TELO2: variants seen among roughly 807,000 people sequenced by gnomAD.
TELO2 encodes the protein telomere maintenance 2, also known as telomere length regulation protein TEL2 homolog.
Under a neutral mutation model 91.0 loss-of-function variants are expected in TELO2, and 71 were observed. The ratio of observed to expected loss-of-function variants is 0.78; its 90% CI spans 0.64 to 0.95. TELO2 has a LOEUF of 0.95. Ranked by LOEUF, TELO2 falls within the 40% of genes least tolerant of loss-of-function variation. The probability of loss-of-function intolerance (pLI) is 0.00; values close to 1 mark genes in which losing one functional copy is unlikely to be tolerated. For missense variants in TELO2, 1,183 were observed against 1,141.3 expected, an observed-to-expected ratio of 1.04 and a Z score of -0.53; for synonymous variants, 584 against 518.9, an observed-to-expected ratio of 1.13 and a Z score of -1.71.
rs760147994 is a variant in TELO2, at chr16:1,502,987, C to T, written c.1827C>T (p.Arg609=). The T allele has an allele frequency of 1.2e-6, 2 of 1,610,950 alleles. No individual in the cohort carries two copies. The highest frequency in any genetic ancestry group is 1.1e-5 in the South Asian group (1 of 91,086). ...FYALNYSLRQ[R]MDILDVLTLA... The stretch of plus-strand genomic sequence containing the variant: ...CCCTCAACTACAGCCTCCGGCAGCG[C>T]ATGGACATCCTGGATGTAAGTGCCT... The change falls in exon 15 of 21, where the codon CGC becomes CGT. Residue 609 remains arginine, a synonymous_variant. Transcript: ENST00000262319.
At position 1,497,304 on chromosome 16, in the gene TELO2, C is replaced by T. The variant is rs1223819924; in HGVS notation, c.683-57C>T. On this transcript the variant is annotated intron_variant, in intron 4 of 20. Coordinates refer to ENST00000262319, the MANE Select transcript of TELO2 (RefSeq NM_016111.4). This position sits in a 1 kb window ranked among gnomAD's most constrained non-coding sequence, Gnocchi z 4.0. Reference sequence around the variant, plus strand: ...ACTGTCCTTGCTGGACCCACACAGCCCCAGACACCAGGTGGGTGCAGCTCC... The same window carrying T: ...ACTGTCCTTGCTGGACCCACACAGCTCCAGACACCAGGTGGGTGCAGCTCC... 19 of 1,504,060 alleles carry T rather than the reference C, an allele frequency of 1.3e-5. No homozygotes were observed. The highest frequency in any genetic ancestry group is 1.6e-5 in the Non-Finnish European group (18 of 1,120,140). 93.2% of individuals were successfully genotyped at this position (1,504,060 alleles called of 1,614,324 possible).
chr16:1,503,899 A>G (rs2039792844), intron 15 of TELO2, among the ~76,000 whole-genome samples: 1 of 152,076 alleles, frequency 6.6e-6, no homozygotes, highest in Admixed American at 6.5e-5. Flanking sequence ...TGGGAGACCA[A>G]AGTGGGAGGA....
At chr16:1,496,294 G>C (rs188854189) in intron 3 of TELO2, among the ~76,000 whole-genome samples, 3 of 152,226 alleles carry the variant, frequency 2.0e-5, no homozygotes, top group Non-Finnish European at 2.9e-5. Flanking sequence ...CCCCCTCAGA[G>C]CCCAGGAGGA....
In TELO2 at chr16:1,506,201, C is replaced by G. The variant is rs536453807; in HGVS notation, c.2035-37C>G. On this transcript the variant is annotated intron_variant, in intron 16 of 20. Coordinates refer to ENST00000262319, the MANE Select transcript of TELO2 (RefSeq NM_016111.4). ...AGGGGTGCCGTGCCCGCTGCCCAAGCCTGCACCTCCGTGATCGCTGTAGTT... is the reference window on the plus strand; with the variant it reads ...AGGGGTGCCGTGCCCGCTGCCCAAGGCTGCACCTCCGTGATCGCTGTAGTT... 15 of 1,609,146 alleles carry G rather than the reference C, an allele frequency of 9.3e-6. No individual in the cohort carries two copies. In the African/African-American group the frequency reaches 1.3e-4, roughly 14 times the overall value.
chr16:1,501,694 C>G lies in TELO2; in HGVS notation c.1393C>G (p.Pro465Ala). The change falls in exon 11 of 21, where the codon CCT becomes GCT. Residue 465 changes from proline (P) to alanine (A), a missense_variant. Transcript: ENST00000262319. ...CCTCGTTCCAGCCACGGCAGAGCCC[C>G]CTGCAGAGACCCCCGCAGAGATCGT... ...TSLVPATAEP[P>A]AETPAEIVDG... The G allele has an allele frequency of 6.2e-7, 1 of 1,612,790 alleles. No homozygotes were observed.
At chr16:1,498,722 G>GTGATATT (rs56079233) in intron 5 of TELO2, among the ~76,000 whole-genome samples, 93,230 of 151,374 alleles carry the variant, frequency 0.62, 31,959 homozygotes, top group Non-Finnish European at 0.78. Flanking sequence ...TTATTTCTTT[G>GTGATATT]TGTGGAATTT....
At chr16:1,504,917 A>G (rs1431535494) in intron 15 of TELO2, among the ~76,000 whole-genome samples, 1 of 151,674 alleles carries the variant, frequency 6.6e-6, no homozygotes, top group Admixed American at 6.6e-5. Context: ...CCAGAGGGAA[A>G]CCCCATCCCT....
At chr16:1,499,942 G>A (rs1424872282) in intron 6 of TELO2, among the ~76,000 whole-genome samples, 154 bp from the exon 7 acceptor site, 1 of 152,370 alleles carries the variant, frequency 6.6e-6, no homozygotes, top group Non-Finnish European at 1.5e-5. Context: ...GAGGGGAGGG[G>A]TCCCGCATTC....
chr16:1,507,299 T>A lies in TELO2; in HGVS notation c.2227-7T>A. ...ACCCCACTGACTGTCCCTCTGCTGG[T>A]GTCCAGGTGGCTGTGGCCATGGGCA... On this transcript the variant is annotated splice_polypyrimidine_tract_variant and splice_region_variant and intron_variant, in intron 18 of 20. Coordinates refer to ENST00000262319, the MANE Select transcript of TELO2 (RefSeq NM_016111.4). 3.7e-6 allele frequency: 6 copies of A among 1,608,152 alleles called. No homozygotes were observed. Among genetic ancestry groups the A allele is most frequent in the Non-Finnish European group, 5.1e-6 (6 of 1,179,840 alleles).
At position 1,508,719 on chromosome 16, in the gene TELO2, G is replaced by C. The variant is rs573535860; in HGVS notation, c.2407+1003G>C. Among the ~76,000 whole-genome samples the C allele has an allele frequency of 2.0e-5, 3 of 152,346 alleles. No individual in the cohort carries two copies. In the South Asian group the frequency reaches 6.2e-4, roughly 32 times the overall value. The stretch of plus-strand genomic sequence containing the variant: ...GGCGCAGTGCCAGCCTGCTGGGTGT[G>C]AACGGGTGTTTCCCATGGGGAGTGG... On this transcript the variant is annotated intron_variant, in intron 20 of 20. Transcript: ENST00000262319.
At chr16:1,503,153 G>A in intron 15 of TELO2, 151 bp downstream of exon 15, 1 of 817,416 alleles carries the variant, frequency 1.2e-6, no homozygotes, top group Non-Finnish European at 2.0e-6. Context: ...GCAGGACTCA[G>A]CAGTGGGGGA....
At chr16:1,507,805 GC>G in intron 20 of TELO2, 89 bp downstream of exon 20, 1 of 1,103,958 alleles carries the variant, frequency 9.1e-7, no homozygotes, top group African/African-American at 1.7e-5. Flanking sequence ...AGATGTGTCG[GC>G]CCGGGGTGTG....
Position 1,506,619 on chromosome 16 carries a change from GCCT to G in TELO2, c.2126+297_2126+299del, listed in dbSNP as rs1026412303. 3 of 1,383,770 alleles carry G rather than the reference GCCT, an allele frequency of 2.2e-6. No homozygotes were observed. In the African/African-American group the frequency reaches 4.4e-5, roughly 20 times the overall value. The allele number at this position is 1,383,770 out of a possible 1,614,324, so 85.7% of individuals were successfully genotyped here. A position where few individuals can be genotyped will look rare whatever the true frequency, so the allele number is the denominator to read the frequency against. ...CGCCATCACCTGCTGGGCCCTGCTCGCCTCCTCCTGCCTCAGCCGGCGCTGCAC... is the reference window on the plus strand; with the variant it reads ...CGCCATCACCTGCTGGGCCCTGCTCGCCTCCTGCCTCAGCCGGCGCTGCAC... On this transcript the variant is annotated intron_variant, in intron 17 of 20. Coordinates refer to ENST00000262319, the MANE Select transcript of TELO2 (RefSeq NM_016111.4).
At chr16:1,498,342 GGT>G (rs1457544320) in intron 5 of TELO2, among the ~76,000 whole-genome samples, 1 of 152,056 alleles carries the variant, frequency 6.6e-6, no homozygotes, top group Non-Finnish European at 1.5e-5. Context: ...TCTGGGTGAG[GGT>G]GTGTGTGTGT....
Position 1,507,302 on chromosome 16 carries a change from C to A in TELO2, c.2227-4C>A. The A allele has an allele frequency of 6.2e-7, 1 of 1,608,482 alleles. No homozygotes were observed. The highest frequency in any genetic ancestry group is 8.5e-7 in the Non-Finnish European group (1 of 1,179,872). Reference sequence around the variant, plus strand: ...CCACTGACTGTCCCTCTGCTGGTGTCCAGGTGGCTGTGGCCATGGGCAAGG... The same window carrying A: ...CCACTGACTGTCCCTCTGCTGGTGTACAGGTGGCTGTGGCCATGGGCAAGG... On this transcript the variant is annotated splice_polypyrimidine_tract_variant and splice_region_variant and intron_variant, in intron 18 of 20. Coordinates refer to ENST00000262319, the MANE Select transcript of TELO2 (RefSeq NM_016111.4).
chr16:1,495,153 G>A (rs926714350), intron 2 of TELO2, among the ~76,000 whole-genome samples, 193 bp from the exon 3 acceptor site: 1 of 152,228 alleles, frequency 6.6e-6, no homozygotes, highest in Non-Finnish European at 1.5e-5. Flanking sequence ...AGGGCCCCGA[G>A]AGCTCTCACA....
In TELO2 at chr16:1,502,721, A is replaced by G; in HGVS notation, c.1730A>G (p.Gln577Arg). ...GTGGTGGGATTTGCAGGGCTGCGCC[A>G]GAGAGCCCTGGTGGCCGTCACGGTC... ...TCVVGFAGLRQRALVAVTVTD... is the reference protein window; with the variant it reads ...TCVVGFAGLRRRALVAVTVTD... The change falls in exon 14 of 21, where the codon CAG becomes CGG. Residue 577 changes from glutamine to arginine, a missense_variant. Gln to Arg is a conservative substitution (Grantham distance 43). Coordinates refer to ENST00000262319, the MANE Select transcript of TELO2 (RefSeq NM_016111.4). The G allele has an allele frequency of 6.2e-7, 1 of 1,612,674 alleles. No homozygotes were observed. Among genetic ancestry groups the G allele is most frequent in the Non-Finnish European group, 8.5e-7 (1 of 1,179,864 alleles).
Position 1,505,343 on chromosome 16 carries a change from G to C in TELO2, c.1843-67G>C, listed in dbSNP as rs1251858492. ...CGGGCCCGTTTCTGGGGCTTTGGCT[G>C]ACTTGACTCTTGGGAAATGTTCTTC... On this transcript the variant is annotated intron_variant, in intron 15 of 20. Coordinates refer to ENST00000262319, the MANE Select transcript of TELO2 (RefSeq NM_016111.4). This position sits in a 1 kb window ranked among gnomAD's most constrained non-coding sequence, Gnocchi z 4.3. The C allele has an allele frequency of 3.2e-6, 5 of 1,543,226 alleles. No individual in the cohort carries two copies. Among genetic ancestry groups the C allele is most frequent in the Non-Finnish European group, 4.4e-6 (5 of 1,141,240 alleles).
At position 1,497,741 on chromosome 16, in the gene TELO2, C is replaced by G. The variant is rs2039545966; in HGVS notation, c.830+233C>G. 6.6e-6 allele frequency among the ~76,000 whole-genome samples: 1 copy of G among 152,180 alleles called. No homozygotes were observed. Among genetic ancestry groups the G allele is most frequent in the South Asian group, 2.1e-4 (1 of 4,826 alleles). On this transcript the variant is annotated intron_variant, in intron 5 of 20. Transcript: ENST00000262319. The surrounding 1 kb of genome is among the most constrained non-coding windows in gnomAD (Gnocchi z 4.0). ...GCATCGATGCTGTGAACAGCCCACA[C>G]CGTAAAGGCGCCTGTACCTTGGGCC...
Sources: allele counts gnomAD v4.1 joint callset (sites outside exome capture counted in the v4.1 genomes callset), GRCh38; gene constraint gnomAD v4.1.1; non-coding constraint Gnocchi (gnomAD v3.1); transcripts MANE v1.5; gene names NCBI Gene and HGNC (gene_info 2026-07-23, HGNC 2026-07-21).